Variants in PREX1 observed in about 807,000 individuals in gnomAD.
PREX1 encodes the protein phosphatidylinositol-3,4,5-trisphosphate dependent Rac exchange factor 1.
PREX1 carries 41 observed loss-of-function variants against 198.3 expected under a neutral mutation model. That is an observed-to-expected ratio of 0.21 (90% CI 0.16 to 0.27). The LOEUF (loss-of-function observed/expected upper bound fraction) is 0.27. PREX1 is among the 10% of genes least tolerant of loss of function. The probability of loss-of-function intolerance (pLI) is 1.00; values close to 1 mark genes in which losing one functional copy is unlikely to be tolerated. For synonymous variants in PREX1, 843 were observed against 887.2 expected, an observed-to-expected ratio of 0.95 and a Z score of 0.89; for missense variants, 1,620 against 2,200.7, an observed-to-expected ratio of 0.74 and a Z score of 5.28.
chr20:48,853,647 C>CCATG, the PREX1 span, among the ~76,000 whole-genome samples: 2 of 152,122 alleles, frequency 1.3e-5, no homozygotes, highest in East Asian at 3.8e-4. Flanking sequence ...CCTTGGTACA[C>CCATG]CATGCACACA....
chr20:48,658,898 G>T (rs1487192432), intron 16 of PREX1, among the ~76,000 whole-genome samples: 1 of 151,904 alleles, frequency 6.6e-6, no homozygotes, highest in Non-Finnish European at 1.5e-5. Context: ...ACGTACAAAG[G>T]TCCTGAGGGA....
chr20:48,862,803 A>ATGTG, the PREX1 span, among the ~76,000 whole-genome samples: 7 of 123,716 alleles, frequency 5.7e-5, no homozygotes, highest in African/African-American at 1.5e-4. Flanking sequence ...ATATATATAT[A>ATGTG]TATATATATA....
intron 10 of PREX1, among the ~76,000 whole-genome samples, chr20:48,685,250 T>G (rs1207750067): frequency 6.6e-6 from 1 of 152,216 alleles, no homozygotes; most frequent in East Asian, 1.9e-4. Flanking sequence ...CCTACTAATC[T>G]GACGATGCCA....
At chr20:48,646,311 T>A (rs2089450621) in intron 25 of PREX1, among the ~76,000 whole-genome samples, 1 of 152,208 alleles carries the variant, frequency 6.6e-6, no homozygotes, top group South Asian at 2.1e-4. Flanking sequence ...CCATTCAACC[T>A]GCTGTTGCAG....
At chr20:48,828,677 A>G (rs1437820246), upstream of PREX1, among the ~76,000 whole-genome samples, 1 of 151,474 alleles carries the variant, frequency 6.6e-6, no homozygotes, top group Non-Finnish European at 1.5e-5. Flanking sequence ...TTCCTTTCCC[A>G]TCTCTCTCTT....
chr20:48,748,079 C>T (rs972789827), intron 1 of PREX1, among the ~76,000 whole-genome samples, 199 bp from the exon 2 acceptor site: 9 of 152,164 alleles, frequency 5.9e-5, no homozygotes, highest in Non-Finnish European at 1.5e-5. Context: ...CCCACACGGT[C>T]ACCAGGGGTG....
At chr20:48,732,479 G>A (rs757011423) in intron 4 of PREX1, among the ~76,000 whole-genome samples, 23 of 152,120 alleles carry the variant, frequency 1.5e-4, no homozygotes, top group Non-Finnish European at 3.4e-4. Context: ...GGTATGTGCT[G>A]TTGGGAAAAC....
the PREX1 span, among the ~76,000 whole-genome samples, chr20:48,872,090 C>T: frequency 2.7e-5 from 4 of 148,176 alleles, no homozygotes; most frequent in South Asian, 4.3e-4. Context: ...ACCTGGGAGA[C>T]GGAGCTTGCA....
intron 1 of PREX1, among the ~76,000 whole-genome samples, chr20:48,777,313 C>T (rs1414237480): frequency 2.6e-5 from 4 of 152,166 alleles, no homozygotes; most frequent in Non-Finnish European, 2.9e-5. Flanking sequence ...CAGGAGCCCC[C>T]GGCCACACAC....
the PREX1 span, among the ~76,000 whole-genome samples, chr20:48,876,736 A>C: frequency 6.6e-6 from 1 of 152,216 alleles, no homozygotes; most frequent in Non-Finnish European, 1.5e-5. Flanking sequence ...AAACAAGTCT[A>C]TAATCTAGAT....
chr20:48,812,800 C>T (rs547591521), intron 1 of PREX1, among the ~76,000 whole-genome samples: 123 of 152,272 alleles, frequency 8.1e-4, no homozygotes, highest in South Asian at 6.6e-3. Context: ...CCAGCCCCCA[C>T]ATTTCATTAC....
intron 1 of PREX1, among the ~76,000 whole-genome samples, chr20:48,780,119 T>G (rs963828335): frequency 5.3e-5 from 8 of 152,198 alleles, no homozygotes; most frequent in African/African-American, 1.9e-4. Flanking sequence ...AAATATAGAT[T>G]GTGTAAGTGT....
chr20:48,877,293 A>G, the PREX1 span, among the ~76,000 whole-genome samples: 14 of 152,226 alleles, frequency 9.2e-5, no homozygotes, highest in African/African-American at 2.9e-4. Flanking sequence ...AAGAAAGAAA[A>G]AAAAGTATGA....
At chr20:48,740,263 G>A (rs1245303138) in intron 3 of PREX1, among the ~76,000 whole-genome samples, 1 of 152,198 alleles carries the variant, frequency 6.6e-6, no homozygotes, top group Non-Finnish European at 1.5e-5. Flanking sequence ...GGCTGCAGTG[G>A]ATGCCATGGT....
chr20:48,716,785 G>A lies in PREX1; in HGVS notation c.622-8364C>T, dbSNP rs530119277. Among the ~76,000 whole-genome samples the A allele has an allele frequency of 4.5e-4, 68 of 152,266 alleles. No homozygotes were observed. The South Asian group carries it at 0.012, about 28-fold the overall frequency. On this transcript the variant is annotated intron_variant, in intron 5 of 39. Transcript: ENST00000371941. ...GGCTGGGACTTCCTACGCAAACGCTGGGAAAGGCATGCTCTCCTCTCCCTG... is the reference window on the plus strand; with the variant it reads ...GGCTGGGACTTCCTACGCAAACGCTAGGAAAGGCATGCTCTCCTCTCCCTG...
At chr20:48,746,979 C>T (rs2090110938) in intron 2 of PREX1, among the ~76,000 whole-genome samples, 1 of 148,342 alleles carries the variant, frequency 6.7e-6, no homozygotes, top group African/African-American at 2.5e-5. Context: ...CACACACACA[C>T]ACACACACAC....
intron 1 of PREX1, among the ~76,000 whole-genome samples, chr20:48,782,748 C>T (rs2090295458): frequency 6.6e-6 from 1 of 152,124 alleles, no homozygotes; most frequent in Admixed American, 6.5e-5. Context: ...CAGGCAAGAA[C>T]CTAGAGGCCG....
chr20:48,656,993 C>A (rs1405685372), intron 18 of PREX1, 47 bp downstream of exon 18: 2 of 1,541,118 alleles, frequency 1.3e-6, no homozygotes, highest in Admixed American at 3.9e-5. Flanking sequence ...AGCCACCACT[C>A]AGCCTGAGAG....
rs372090348 is a variant in PREX1, at chr20:48,649,404, T to C, written c.3201A>G (p.Leu1067=). Residue 1067 remains leucine (L), a synonymous_variant, in exon 25 of 40, where the codon CTA becomes CTG. Coordinates refer to ENST00000371941, the MANE Select transcript of PREX1 (RefSeq NM_020820.4). ...GGATCTCACGGTCCTCCTGCTTGAG[T>C]AGGAAGCTGAGGCCCCGGTCTTCCT... ...LGQEDRGLSF[L]LKQEDREIQD... is the part of the protein sequence containing the mutation. 84 of 1,614,040 alleles carry C rather than the reference T, an allele frequency of 5.2e-5. No homozygotes were observed. The African/African-American group carries it at 9.6e-4, about 18-fold the overall frequency.
Sources: allele counts gnomAD v4.1 joint callset (sites outside exome capture counted in the v4.1 genomes callset), GRCh38; gene constraint gnomAD v4.1.1; transcripts MANE v1.5; gene names NCBI Gene and HGNC (gene_info 2026-07-23, HGNC 2026-07-21).